Variants in PRMT2 observed in about 807,000 individuals in gnomAD.
The protein encoded by PRMT2 is protein arginine methyltransferase 2, also known as protein arginine N-methyltransferase 2.
A neutral mutation model predicts 57.6 loss-of-function variants in PRMT2; 26 were observed. That is an observed-to-expected ratio of 0.45 (90% CI 0.33 to 0.63). The LOEUF (loss-of-function observed/expected upper bound fraction) is 0.63, where lower values mean the gene tolerates loss of function less well. PRMT2 is among the 20% of genes least tolerant of loss of function. The probability of loss-of-function intolerance (pLI) is 0.02; values close to 1 mark genes in which losing one functional copy is unlikely to be tolerated. For missense variants in PRMT2, 472 were observed against 564.4 expected (o/e 0.84, Z 1.66); for synonymous variants, 219 against 220.0 (o/e 1.00, Z 0.04).
Position 46,641,536 on chromosome 21 carries a change from G to A in PRMT2, c.40-1999G>A, listed in dbSNP as rs1439232593. ...AACCCCATCCATTTCTACCAAAAAT[G>A]CAAAAATTAGCCGGGCGTAGTGACA... On this transcript the variant is annotated intron_variant, in intron 3 of 11. Transcript: ENST00000355680. 2.6e-5 allele frequency among the ~76,000 whole-genome samples: 4 copies of A among 152,030 alleles called. No individual in the cohort carries two copies. In the East Asian group the frequency reaches 7.7e-4, roughly 29 times the overall value.
At chr21:46,660,716 T>TG in intron 8 of PRMT2, 117 bp from the exon 9 acceptor site, 1 of 1,337,950 alleles carries the variant, frequency 7.5e-7, no homozygotes, top group South Asian at 1.4e-5. Context: ...CCCCAGATAG[T>TG]GGCTTAGCAT....
chr21:46,644,271 G>C (rs372873835), intron 4 of PRMT2, 35 bp from the exon 5 acceptor site: 84 of 1,588,032 alleles, frequency 5.3e-5, no homozygotes, highest in Non-Finnish European at 6.9e-5. Context: ...CCAATGACTG[G>C]TTTTCTTATT....
chr21:46,664,591 T>C lies in PRMT2; in HGVS notation c.*264T>C. 1 of 566,254 alleles carries C rather than the reference T, an allele frequency of 1.8e-6. No individual in the cohort carries two copies. Among genetic ancestry groups the C allele is most frequent in the Non-Finnish European group, 3.2e-6 (1 of 315,766 alleles). 35.1% of individuals were successfully genotyped at this position (566,254 alleles called of 1,614,324 possible). A position where few individuals can be genotyped will look rare whatever the true frequency, so the allele number is the denominator to read the frequency against. On this transcript the variant is annotated 3_prime_UTR_variant, in exon 12 of 12. Transcript: ENST00000355680. ...TGTGTTTCCAGGTGTTCACCCGTGG[T>C]GCCCACAGTGCCGACCCGTGGCTGG...
chr21:46,647,374 A>G (rs2061380284), intron 5 of PRMT2, among the ~76,000 whole-genome samples: 1 of 152,132 alleles, frequency 6.6e-6, no homozygotes, highest in Admixed American at 6.5e-5. Flanking sequence ...TGTATAGCCT[A>G]ATATGGTTTT....
At position 46,649,921 on chromosome 21, in the gene PRMT2, T is replaced by A. The variant is rs984900249; in HGVS notation, c.654+182T>A. 1 of 1,450,840 alleles carries A rather than the reference T, an allele frequency of 6.9e-7. No homozygotes were observed. The highest frequency in any genetic ancestry group is 1.4e-5 in the African/African-American group (1 of 69,772). The allele number at this position is 1,450,840 out of a possible 1,614,324, so 89.9% of individuals were successfully genotyped here. On this transcript the variant is annotated intron_variant, in intron 7 of 11. Transcript: ENST00000355680. This position sits in a 1 kb window ranked among gnomAD's most constrained non-coding sequence, Gnocchi z 4.8. ...TCAGTGTCTTGAATTTTCACCTGAT[T>A]TAAAAAATGCCTTTATGAGAAATTT...
chr21:46,653,944 T>C, intron 7 of PRMT2: 25 of 1,020,494 alleles, frequency 2.4e-5, no homozygotes, highest in Non-Finnish European at 2.9e-5. Context: ...TTGTTTTTTT[T>C]TTTTTTTGGC....
intron 4 of PRMT2, 113 bp from the exon 5 acceptor site, chr21:46,644,193 C>G: frequency 4.7e-6 from 5 of 1,068,430 alleles, no homozygotes; most frequent in Non-Finnish European, 6.7e-6. Flanking sequence ...TACCCACTGA[C>G]TCCTGTTTGA....
At chr21:46,659,160 T>C in intron 8 of PRMT2, 5 of 1,248,906 alleles carry the variant, frequency 4.0e-6, no homozygotes, top group Non-Finnish European at 5.0e-6. Context: ...GTGAAAAAGG[T>C]GGCATTACGA....
At chr21:46,652,807 G>A in intron 7 of PRMT2, 1 of 1,243,506 alleles carries the variant, frequency 8.0e-7, no homozygotes, top group Non-Finnish European at 1.0e-6. Flanking sequence ...TGTTAACAAA[G>A]CAGGTGACAA....
intron 3 of PRMT2, among the ~76,000 whole-genome samples, chr21:46,639,606 T>G (rs1325378518): frequency 1.3e-5 from 2 of 152,038 alleles, no homozygotes; most frequent in African/African-American, 4.8e-5. Context: ...TGTTAATAAA[T>G]ACTTCTTTTC....
In PRMT2 at chr21:46,649,408, C is replaced by T; in HGVS notation, c.490-167C>T. 9.4e-7 allele frequency: 1 copy of T among 1,058,204 alleles called. No individual in the cohort carries two copies. Among genetic ancestry groups the T allele is most frequent in the Non-Finnish European group, 1.4e-6 (1 of 704,270 alleles). 65.6% of individuals were successfully genotyped at this position (1,058,204 alleles called of 1,614,324 possible). On this transcript the variant is annotated intron_variant, in intron 6 of 11. Coordinates refer to ENST00000355680, the MANE Select transcript of PRMT2 (RefSeq NM_206962.4). The surrounding 1 kb of genome is among the most constrained non-coding windows in gnomAD (Gnocchi z 4.8). ...GTTAGAGGCGGCTCCTTTCTGGGTG[C>T]CCCTGGAGGGGCAGGTGTGGCCAGT...
chr21:46,645,715 G>A (rs1189728159), intron 5 of PRMT2, among the ~76,000 whole-genome samples: 2 of 150,680 alleles, frequency 1.3e-5, no homozygotes, highest in Non-Finnish European at 3.0e-5. Context: ...TTTTTTGTTT[G>A]TTTTTGTTTT....
At chr21:46,662,672 C>G (rs990171817) in intron 10 of PRMT2, among the ~76,000 whole-genome samples, 1 of 152,136 alleles carries the variant, frequency 6.6e-6, no homozygotes, top group African/African-American at 2.4e-5. Flanking sequence ...TGACCAGAGT[C>G]AGGGAAAAAC....
intron 7 of PRMT2, chr21:46,658,119 G>A (rs2061566613): frequency 6.6e-6 from 1 of 152,374 alleles, no homozygotes; most frequent in African/African-American, 2.4e-5. Context: ...CACCTCGCTG[G>A]TGCTCCCTCT....
chr21:46,649,345 G>A lies in PRMT2; in HGVS notation c.490-230G>A, dbSNP rs779668046. On this transcript the variant is annotated intron_variant, in intron 6 of 11. Transcript: ENST00000355680. This position sits in a 1 kb window ranked among gnomAD's most constrained non-coding sequence, Gnocchi z 4.8. Reference sequence around the variant, plus strand: ...GTCTTCCATCCACTTGCAGCCCTGCGTCTGTGTCTTGTCCGGGAGGTGGGG... The same window carrying A: ...GTCTTCCATCCACTTGCAGCCCTGCATCTGTGTCTTGTCCGGGAGGTGGGG... Among the ~76,000 whole-genome samples, 2 of 152,220 alleles carry A rather than the reference G, an allele frequency of 1.3e-5. No individual in the cohort carries two copies. Among genetic ancestry groups the A allele is most frequent in the South Asian group, 2.1e-4 (1 of 4,834 alleles).
In PRMT2 at chr21:46,653,596, C is replaced by A; in HGVS notation, c.654+3857C>A. 3.5e-6 allele frequency: 4 copies of A among 1,143,132 alleles called. No individual in the cohort carries two copies. In the South Asian group the frequency reaches 7.6e-5, roughly 22 times the overall value. The allele number at this position is 1,143,132 out of a possible 1,614,324, so 70.8% of individuals were successfully genotyped here. Reference sequence around the variant, plus strand: ...CCAGTGGGACAGGCCTAAGGGAGGACTTCTGGCCCCTTTGCTTGATGTTCA... The same window carrying A: ...CCAGTGGGACAGGCCTAAGGGAGGAATTCTGGCCCCTTTGCTTGATGTTCA... On this transcript the variant is annotated intron_variant, in intron 7 of 11. Transcript: ENST00000355680.
intron 10 of PRMT2, among the ~76,000 whole-genome samples, chr21:46,662,460 G>T (rs916726253): frequency 3.3e-5 from 5 of 152,336 alleles, no homozygotes; most frequent in African/African-American, 1.2e-4. Flanking sequence ...CCCGCGAGGG[G>T]ACCCCGGCTC....
chr21:46,636,830 T>C lies in PRMT2; in HGVS notation c.-56-66T>C, dbSNP rs867319214. 6.6e-6 allele frequency: 6 copies of C among 903,678 alleles called. 1 individual carries two copies. The Middle Eastern group carries it at 6.9e-4, about 104-fold the overall frequency. 56.0% of individuals were successfully genotyped at this position (903,678 alleles called of 1,614,324 possible). ...TAGAGGACATCATGCACATTAGAAG[T>C]TAAGTGAACTCAATTATTAAGCAAT... On this transcript the variant is annotated intron_variant, in intron 2 of 11. Coordinates refer to ENST00000355680, the MANE Select transcript of PRMT2 (RefSeq NM_206962.4).
intron 7 of PRMT2, chr21:46,654,930 G>A (rs906834911): frequency 1.0e-6 from 1 of 982,980 alleles, no homozygotes; most frequent in Non-Finnish European, 1.2e-6. Context: ...TGTACATAGA[G>A]TGTACATACA....
Sources: allele counts gnomAD v4.1 joint callset (sites outside exome capture counted in the v4.1 genomes callset), GRCh38; gene constraint gnomAD v4.1.1; non-coding constraint Gnocchi (gnomAD v3.1); transcripts MANE v1.5; gene names NCBI Gene and HGNC (gene_info 2026-07-23, HGNC 2026-07-21).